The following XRCC5 variants were observed in gnomAD, a reference collection of about 807,000 sequenced individuals.
XRCC5 encodes the protein X-ray repair cross complementing 5.
In XRCC5, 12 loss-of-function variants were observed where a neutral mutation model predicts 95.7. That is an observed-to-expected ratio of 0.13 (90% CI 0.08 to 0.20). The LOEUF (loss-of-function observed/expected upper bound fraction) is 0.20. Ranked by LOEUF, XRCC5 falls within the 10% of genes least tolerant of loss-of-function variation. The pLI, the probability that XRCC5 is intolerant of heterozygous loss-of-function variation, is 1.00. For synonymous variants in XRCC5, 281 were observed against 290.3 expected (o/e 0.97, Z 0.33); for missense variants, 595 against 873.9 (o/e 0.68, Z 4.02).
chr2:216,141,281 A>G lies in XRCC5; in HGVS notation c.1438A>G (p.Thr480Ala). The G allele has an allele frequency of 1.9e-6, 3 of 1,614,170 alleles. No individual in the cohort carries two copies. The highest frequency in any genetic ancestry group is 2.5e-6 in the Non-Finnish European group (3 of 1,179,996). The change falls in exon 13 of 21, where the codon ACC becomes GCC. Residue 480 changes from threonine to alanine, a missense_variant. By Grantham distance (58) the Thr-to-Ala change is moderately conservative. Coordinates refer to ENST00000392132, the MANE Select transcript of XRCC5 (RefSeq NM_021141.4). ...CACCCTTGAAGACTTGTTTCCAACC[A>G]CCAAAATCCCAAATCCTCGATTTCA... ...TDTLEDLFPT[T>A]KIPNPRFQRL...
intron 8 of XRCC5, among the ~76,000 whole-genome samples, chr2:216,128,650 A>G (rs552673420): frequency 1.6e-4 from 25 of 152,354 alleles, no homozygotes; most frequent in African/African-American, 3.1e-4. Context: ...GAAGAATAGC[A>G]TGATTAAAGC....
intron 19 of XRCC5, among the ~76,000 whole-genome samples, chr2:216,196,733 C>T (rs977788885): frequency 2.6e-5 from 4 of 152,010 alleles, no homozygotes; most frequent in African/African-American, 7.3e-5. Flanking sequence ...ATGAGATCTA[C>T]GAATATTACT....
intron 14 of XRCC5, among the ~76,000 whole-genome samples, chr2:216,154,914 A>G (rs995959240): frequency 6.6e-6 from 1 of 152,204 alleles, no homozygotes; most frequent in Non-Finnish European, 1.5e-5. Context: ...TAATCCAACT[A>G]TCTAGAGAAA....
chr2:216,162,329 T>C (rs941533880), intron 16 of XRCC5, among the ~76,000 whole-genome samples: 1 of 152,190 alleles, frequency 6.6e-6, no homozygotes, highest in Non-Finnish European at 1.5e-5. Flanking sequence ...TCATTGAAGT[T>C]TTTTAGGATT....
In XRCC5 at chr2:216,141,223, C is replaced by T; in HGVS notation, c.1380C>T (p.Ser460=). Residue 460 remains serine (S), a synonymous_variant, in exon 13 of 21, where the codon TCC becomes TCT. Transcript: ENST00000392132. ...QLNAVDALID[S]MSLAKKDEKT... ...ATGCTGTTGATGCTTTGATTGACTC[C>T]ATGAGCTTGGCAAAGAAAGATGAGA... 6.2e-7 allele frequency: 1 copy of T among 1,614,142 alleles called. No homozygotes were observed. Among genetic ancestry groups the T allele is most frequent in the Non-Finnish European group, 8.5e-7 (1 of 1,180,002 alleles).
intron 17 of XRCC5, 66 bp from the exon 18 acceptor site, chr2:216,192,573 T>G: frequency 8.9e-7 from 1 of 1,124,424 alleles, no homozygotes; most frequent in South Asian, 1.6e-5. Context: ...TTGTTTGGTC[T>G]GGGGTGAATT....
chr2:216,145,955 G>A (rs773102975), intron 13 of XRCC5, among the ~76,000 whole-genome samples: 5 of 152,186 alleles, frequency 3.3e-5, no homozygotes, highest in Non-Finnish European at 7.3e-5. Flanking sequence ...AGCTGTTCAG[G>A]TATTTTAATG....
chr2:216,170,677 T>G (rs1179377789), intron 16 of XRCC5, among the ~76,000 whole-genome samples: 1 of 152,160 alleles, frequency 6.6e-6, no homozygotes, highest in African/African-American at 2.4e-5. Flanking sequence ...CATCAATGAC[T>G]TGGGCCATCA....
Position 216,205,370 on chromosome 2 carries a change from A to G in XRCC5, c.*168A>G, listed in dbSNP as rs930670802. On this transcript the variant is annotated 3_prime_UTR_variant, in exon 21 of 21. Transcript: ENST00000392132. ...TTCTCTGTGGAATGAATACACACAT[A>G]TATATTACAAGGGATAATTTAGACC... 1.5e-5 allele frequency: 11 copies of G among 723,924 alleles called. No homozygotes were observed. Among genetic ancestry groups the G allele is most frequent in the East Asian group, 7.5e-5 (3 of 40,156 alleles). The allele number at this position is 723,924 out of a possible 1,614,324, so 44.8% of individuals were successfully genotyped here. A position where few individuals can be genotyped will look rare whatever the true frequency, so the allele number is the denominator to read the frequency against.
intron 10 of XRCC5, among the ~76,000 whole-genome samples, chr2:216,135,505 ATTGGTAGT>A (rs991908078): frequency 1.3e-5 from 2 of 152,130 alleles, no homozygotes; most frequent in Non-Finnish European, 2.9e-5. Context: ...TAGAGGTAGA[ATTGGTAGT>A]TTCGTGAACA....
intron 15 of XRCC5, among the ~76,000 whole-genome samples, chr2:216,161,548 A>C: frequency 6.6e-6 from 1 of 152,242 alleles, no homozygotes; most frequent in Non-Finnish European, 1.5e-5. Flanking sequence ...CACTTCGGTG[A>C]ATCAGGCATT....
chr2:216,115,305 T>C (rs573088623), intron 2 of XRCC5, among the ~76,000 whole-genome samples: 6 of 152,254 alleles, frequency 3.9e-5, no homozygotes, highest in African/African-American at 1.2e-4. Flanking sequence ...GTTTTTGTTG[T>C]AGAGAGAAAG....
At chr2:216,176,543 C>T (rs1689282504) in intron 16 of XRCC5, among the ~76,000 whole-genome samples, 1 of 152,014 alleles carries the variant, frequency 6.6e-6, no homozygotes, top group African/African-American at 2.4e-5. Flanking sequence ...TTATTATTCC[C>T]TTATAATAAT....
chr2:216,194,815 A>G (rs984387803), intron 18 of XRCC5, 104 bp from the exon 19 acceptor site: 1 of 1,114,776 alleles, frequency 9.0e-7, no homozygotes, highest in African/African-American at 1.6e-5. Context: ...TATTTAAAAA[A>G]AAGAAATCTT....
intron 4 of XRCC5, 87 bp downstream of exon 4, chr2:216,117,881 T>A (rs1398857967): frequency 1.5e-6 from 2 of 1,345,928 alleles, no homozygotes; most frequent in African/African-American, 2.9e-5. Context: ...TGTGATTCAT[T>A]GTTAATCAAG....
chr2:216,132,298 A>G (rs1188428634), intron 9 of XRCC5, 27 bp from the exon 10 acceptor site: 16 of 1,610,646 alleles, frequency 9.9e-6, no homozygotes, highest in Non-Finnish European at 1.4e-5. Flanking sequence ...ATTTTGGATC[A>G]AAAGCAATTC....
chr2:216,190,188 A>G, intron 16 of XRCC5, 37 bp from the exon 17 acceptor site: 1 of 1,569,150 alleles, frequency 6.4e-7, no homozygotes, highest in Non-Finnish European at 8.8e-7. Context: ...CTCAGGCATC[A>G]CTCAAATCTA....
intron 16 of XRCC5, among the ~76,000 whole-genome samples, chr2:216,173,772 G>A (rs1689216594): frequency 6.6e-6 from 1 of 152,164 alleles, no homozygotes; most frequent in African/African-American, 2.4e-5. Context: ...AAAAGGATGA[G>A]TTCGGCCTGA....
intron 12 of XRCC5, among the ~76,000 whole-genome samples, chr2:216,138,774 T>C (rs1190508416): frequency 6.6e-6 from 1 of 152,156 alleles, no homozygotes; most frequent in African/African-American, 2.4e-5. Context: ...TTTAAAACAA[T>C]TGTAATAAAA....
Sources: allele counts gnomAD v4.1 joint callset (sites outside exome capture counted in the v4.1 genomes callset), GRCh38; gene constraint gnomAD v4.1.1; transcripts MANE v1.5; gene names NCBI Gene and HGNC (gene_info 2026-07-23, HGNC 2026-07-21).